The following LZTS1 variants were observed in gnomAD, a reference collection of about 807,000 sequenced individuals.
LZTS1 encodes the protein leucine zipper putative tumor suppressor 1.
Under a neutral mutation model 45.8 loss-of-function variants are expected in LZTS1, and 31 were observed. The ratio of observed to expected loss-of-function variants is 0.68; its 90% CI spans 0.51 to 0.91. The LOEUF is 0.91. Among genes scored for constraint, LZTS1 ranks in the 40% least tolerant of loss-of-function variants. The pLI is 0.00. For synonymous variants in LZTS1, 359 were observed against 357.3 expected (o/e 1.00, Z -0.05); for missense variants, 821 against 788.9 (o/e 1.04, Z -0.49).
intron 1 of LZTS1, among the ~76,000 whole-genome samples, chr8:20,280,728 G>T (rs931644189): frequency 6.6e-6 from 1 of 152,134 alleles, no homozygotes; most frequent in Non-Finnish European, 1.5e-5. Flanking sequence ...CTTCCTTAAA[G>T]CACTGTCAGC....
chr8:20,272,374 C>T (rs558431544), intron 1 of LZTS1, among the ~76,000 whole-genome samples: 2 of 152,282 alleles, frequency 1.3e-5, no homozygotes, highest in South Asian at 2.1e-4. Flanking sequence ...TGGCTTTGCT[C>T]ATGCCCAATT....
At chr8:20,280,559 C>G (rs1800668743) in intron 1 of LZTS1, among the ~76,000 whole-genome samples, 2 of 152,200 alleles carry the variant, frequency 1.3e-5, no homozygotes, top group African/African-American at 4.8e-5. Flanking sequence ...AGTGAGAACA[C>G]TTGAAATAAA....
chr8:20,299,000 T>C (rs899752499), intron 1 of LZTS1, among the ~76,000 whole-genome samples: 35 of 152,346 alleles, frequency 2.3e-4, no homozygotes, highest in African/African-American at 7.7e-4. Flanking sequence ...CGACTGTAGC[T>C]GACACATCCC....
chr8:20,250,080 A>G lies in LZTS1; in HGVS notation c.1433T>C (p.Leu478Pro). ...VNLLEQELQELRAQAALARDM... is the reference protein window; with the variant it reads ...VNLLEQELQEPRAQAALARDM... ...GCGGGCCAGGGCGGCCTGGGCCCGC[A>G]GCTCCTGCAGCTCCTGCTCCAGCAG... The change falls in exon 4 of 4, where the codon CTG becomes CCG. Residue 478 changes from leucine to proline, a missense_variant. Leu to Pro is a moderately conservative substitution (Grantham distance 98, BLOSUM62 -3). Coordinates refer to ENST00000381569, the MANE Select transcript of LZTS1 (RefSeq NM_021020.5). The G allele has an allele frequency of 6.2e-7, 1 of 1,606,754 alleles. No individual in the cohort carries two copies. The highest frequency in any genetic ancestry group is 8.5e-7 in the Non-Finnish European group (1 of 1,179,252).
intron 1 of LZTS1, among the ~76,000 whole-genome samples, chr8:20,288,988 T>TTTG (rs66667064): frequency 1.0e-3 from 6 of 5,764 alleles, no homozygotes; most frequent in Non-Finnish European, 2.0e-3. Flanking sequence ...TAGCAGCTGG[T>TTTG]TTTTTTTTTT....
rs147987716 is a variant in LZTS1, at chr8:20,253,232, G to A, written c.699C>T (p.Ser233=). ...NMMSLKALSF[S]DGGSKLGHSN... ...AGTGGCCCAGCTTGCTACCTCCGTC[G>A]GAGAAGGACAGAGCCTTCAGGCTCA... The change falls in exon 3 of 4, where the codon TCC becomes TCT. Residue 233 remains serine, a synonymous_variant. Coordinates refer to ENST00000381569, the MANE Select transcript of LZTS1 (RefSeq NM_021020.5). 8.2e-5 allele frequency: 132 copies of A among 1,613,862 alleles called. No homozygotes were observed. The highest frequency in any genetic ancestry group is 2.0e-4 in the East Asian group (9 of 44,890).
At chr8:20,254,002 G>A (rs866647062) in intron 2 of LZTS1, among the ~76,000 whole-genome samples, 1 of 152,144 alleles carries the variant, frequency 6.6e-6, no homozygotes, top group Non-Finnish European at 1.5e-5. Context: ...CAAGGACACG[G>A]ACCTGGCCTC....
chr8:20,252,865 G>C lies in LZTS1; in HGVS notation c.1066C>G (p.Gln356Glu). 1.9e-6 allele frequency: 3 copies of C among 1,609,650 alleles called. No individual in the cohort carries two copies. The highest frequency in any genetic ancestry group is 2.5e-6 in the Non-Finnish European group (3 of 1,177,988). The stretch of plus-strand genomic sequence containing the variant: ...CTGAGCTTGGTCTCCAGCAGGTCCT[G>C]CTCCTTCATGAGGCTCTCGAGCTCC... ...RQELESLMKE[Q>E]DLLETKLRSY... is the part of the protein sequence containing the mutation. The change falls in exon 3 of 4, where the codon CAG becomes GAG. Residue 356 changes from glutamine (Q) to glutamate (E), a missense_variant. Coordinates refer to ENST00000381569, the MANE Select transcript of LZTS1 (RefSeq NM_021020.5).
chr8:20,251,113 AT>A (rs1268027620), intron 3 of LZTS1, among the ~76,000 whole-genome samples: 3 of 21,832 alleles, frequency 1.4e-4, no homozygotes, highest in African/African-American at 4.7e-4. Context: ...ATATATATAT[AT>A]ATATATATAT....
At chr8:20,258,722 G>A (rs1337096737) in intron 1 of LZTS1, among the ~76,000 whole-genome samples, 2 of 152,220 alleles carry the variant, frequency 1.3e-5, no homozygotes, top group African/African-American at 2.4e-5. Flanking sequence ...GTACATAGTG[G>A]GCACTCAATA....
intron 1 of LZTS1, among the ~76,000 whole-genome samples, chr8:20,269,500 G>T (rs1800432133): frequency 6.6e-6 from 1 of 152,200 alleles, no homozygotes; most frequent in African/African-American, 2.4e-5. Flanking sequence ...AAGATCCCAG[G>T]TCTGAGTCTG....
At chr8:20,276,781 G>A (rs951209647) in intron 1 of LZTS1, among the ~76,000 whole-genome samples, 2 of 152,216 alleles carry the variant, frequency 1.3e-5, no homozygotes, top group African/African-American at 4.8e-5. Context: ...GAACATCAGA[G>A]GGTCCTCTGC....
chr8:20,280,910 G>A (rs976971250), intron 1 of LZTS1, among the ~76,000 whole-genome samples: 1 of 152,148 alleles, frequency 6.6e-6, no homozygotes, highest in African/African-American at 2.4e-5. Flanking sequence ...CTCCTCTCTA[G>A]GCTGAATTCT....
At chr8:20,262,110 C>G (rs1034199928) in intron 1 of LZTS1, among the ~76,000 whole-genome samples, 2 of 152,184 alleles carry the variant, frequency 1.3e-5, no homozygotes, top group African/African-American at 4.8e-5. Context: ...CATTCCCCCC[C>G]AGAACTTTTG....
intron 3 of LZTS1, among the ~76,000 whole-genome samples, chr8:20,251,140 T>TATATATAA (rs1799894206): frequency 1.5e-4 from 13 of 86,438 alleles, no homozygotes; most frequent in African/African-American, 5.9e-4. Context: ...TATATATATA[T>TATATATAA]ATATATATAA....
chr8:20,257,009 G>T (rs1272923782), intron 1 of LZTS1, among the ~76,000 whole-genome samples: 2 of 152,110 alleles, frequency 1.3e-5, no homozygotes, highest in African/African-American at 4.8e-5. Flanking sequence ...GGGTGATGTC[G>T]ATATAGAAGA....
chr8:20,288,581 C>G (rs150781685), intron 1 of LZTS1, among the ~76,000 whole-genome samples: 1 of 152,192 alleles, frequency 6.6e-6, no homozygotes, highest in Non-Finnish European at 1.5e-5. Flanking sequence ...AAAAATGATG[C>G]CTCAGGTTTT....
chr8:20,282,985 C>A (rs1014259326), intron 1 of LZTS1, among the ~76,000 whole-genome samples: 6 of 152,160 alleles, frequency 3.9e-5, no homozygotes, highest in Non-Finnish European at 5.9e-5. Context: ...AGGACACTTT[C>A]TCTTCCATCC....
intron 1 of LZTS1, chr8:20,289,987 G>A (rs1370496368): frequency 2.0e-5 from 3 of 152,206 alleles, no homozygotes; most frequent in Non-Finnish European, 4.4e-5. Flanking sequence ...TACCTGGTTC[G>A]AGGCAGCTCT....
Sources: gnomAD v4.1 joint callset for allele counts (sites outside exome capture counted in the v4.1 genomes callset) on GRCh38, gnomAD v4.1.1 for gene constraint, MANE v1.5 for transcripts, NCBI Gene and HGNC (gene_info 2026-07-23, HGNC 2026-07-21) for gene names.